The following CDH13 variants were observed in gnomAD, a reference collection of about 807,000 sequenced individuals.
The protein encoded by CDH13 is cadherin-13.
Under a neutral mutation model 63.8 loss-of-function variants are expected in CDH13, and 24 were observed. The ratio of observed to expected loss-of-function variants is 0.38; its 90% CI spans 0.27 to 0.53. The LOEUF (loss-of-function observed/expected upper bound fraction) is 0.53, where lower values mean the gene tolerates loss of function less well. Ranked by LOEUF, CDH13 falls within the 20% of genes least tolerant of loss-of-function variation. CDH13 has a pLI of 0.85. For synonymous variants in CDH13, 503 were observed against 355.3 expected (o/e 1.42, Z -4.67); for missense variants, 1,049 against 903.1 (o/e 1.16, Z -2.07).
intron 10 of CDH13, chr16:83,721,104 A>T (rs1909634800): frequency 6.6e-6 from 1 of 152,250 alleles, no homozygotes; most frequent in Non-Finnish European, 1.5e-5. Flanking sequence ...TTCAGTAATG[A>T]GCACCTGGCA....
chr16:83,004,203 C>T (rs991323646), intron 2 of CDH13, among the ~76,000 whole-genome samples: 2 of 152,058 alleles, frequency 1.3e-5, no homozygotes, highest in Non-Finnish European at 2.9e-5. Flanking sequence ...ATCTGTGTTC[C>T]CTTGCAGCGG....
chr16:83,780,064 G>C lies in CDH13; in HGVS notation c.1778G>C (p.Cys593Ser). Residue 593 changes from cysteine (C) to serine (S), a missense_variant, in exon 12 of 14, where the codon TGT becomes TCT. Transcript: ENST00000567109. The stretch of plus-strand genomic sequence containing the variant: ...ATTTACCCCACAGTAGCTGAAGTCT[G>C]TGATGATGCCAAAAACCTCAGTGTA... ...PFIYPTVAEV[C>S]DDAKNLSVVI... The C allele has an allele frequency of 1.2e-6, 2 of 1,613,956 alleles. No individual in the cohort carries two copies. The highest frequency in any genetic ancestry group is 1.1e-5 in the South Asian group (1 of 91,080).
chr16:83,112,027 G>T (rs1208550847), intron 3 of CDH13, among the ~76,000 whole-genome samples: 1 of 151,976 alleles, frequency 6.6e-6, no homozygotes, highest in Non-Finnish European at 1.5e-5. Context: ...GTAAAACTTT[G>T]GAGAAAAAAG....
chr16:83,528,636 T>G (rs1371573808), intron 7 of CDH13, among the ~76,000 whole-genome samples: 1 of 152,226 alleles, frequency 6.6e-6, no homozygotes, highest in Non-Finnish European at 1.5e-5. Context: ...TCCAACTGTT[T>G]CCATCTATCT....
chr16:82,666,122 A>G (rs1000427066), intron 1 of CDH13, among the ~76,000 whole-genome samples: 6 of 152,148 alleles, frequency 3.9e-5, no homozygotes, highest in African/African-American at 1.4e-4. Context: ...CTCTGCCTAT[A>G]ACGATCTCAC....
At chr16:83,512,868 G>A (rs547525342) in intron 7 of CDH13, among the ~76,000 whole-genome samples, 9 of 152,018 alleles carry the variant, frequency 5.9e-5, no homozygotes, top group African/African-American at 2.2e-4. Context: ...CTGGGAGGTG[G>A]CACCCAATAA....
At chr16:82,923,768 T>G (rs1203547104) in intron 2 of CDH13, among the ~76,000 whole-genome samples, 3 of 152,236 alleles carry the variant, frequency 2.0e-5, no homozygotes, top group Non-Finnish European at 4.4e-5. Flanking sequence ...CGCTTCCTCT[T>G]TATTTTTTCC....
At chr16:82,930,202 C>A (rs1458554299) in intron 2 of CDH13, among the ~76,000 whole-genome samples, 1 of 151,988 alleles carries the variant, frequency 6.6e-6, no homozygotes. Context: ...GTCTCGAACT[C>A]CTGGCCTTAA....
At chr16:83,351,407 C>T (rs1330960046) in intron 6 of CDH13, among the ~76,000 whole-genome samples, 1 of 151,456 alleles carries the variant, frequency 6.6e-6, no homozygotes, top group African/African-American at 2.4e-5. Context: ...CCACAGTTGA[C>T]ATTTTAGTGA....
chr16:82,646,523 T>G (rs1186232631), intron 1 of CDH13, among the ~76,000 whole-genome samples: 2 of 152,170 alleles, frequency 1.3e-5, no homozygotes, highest in Non-Finnish European at 2.9e-5. Context: ...TTACTGGTGC[T>G]GCATGGTCTG....
At chr16:83,528,504 T>C (rs2075012042) in intron 7 of CDH13, among the ~76,000 whole-genome samples, 1 of 152,184 alleles carries the variant, frequency 6.6e-6, no homozygotes, top group Non-Finnish European at 1.5e-5. Flanking sequence ...GAGATAATAG[T>C]AGTCCCTAGT....
intron 5 of CDH13, among the ~76,000 whole-genome samples, chr16:83,298,819 C>T (rs1161839617): frequency 2.0e-5 from 3 of 152,136 alleles, no homozygotes; most frequent in Non-Finnish European, 4.4e-5. Context: ...ATAAGAAAAG[C>T]TTGTGAGGAT....
chr16:82,905,215 A>G (rs370035156), intron 2 of CDH13, among the ~76,000 whole-genome samples: 1 of 152,132 alleles, frequency 6.6e-6, no homozygotes, highest in Non-Finnish European at 1.5e-5. Context: ...GATTATATGG[A>G]TCATCTCTCT....
intron 8 of CDH13, among the ~76,000 whole-genome samples, chr16:83,609,085 G>C (rs1379137203): frequency 6.6e-6 from 1 of 152,096 alleles, no homozygotes; most frequent in Non-Finnish European, 1.5e-5. Flanking sequence ...TGCACATTTT[G>C]AGGAATATCA....
chr16:82,894,787 G>A (rs767570647), intron 2 of CDH13, among the ~76,000 whole-genome samples: 1 of 152,250 alleles, frequency 6.6e-6, no homozygotes, highest in Non-Finnish European at 1.5e-5. Context: ...GGGCATTTGA[G>A]GGAGACAGAA....
chr16:83,300,669 G>A (rs894940884), intron 5 of CDH13, among the ~76,000 whole-genome samples: 2 of 152,188 alleles, frequency 1.3e-5, no homozygotes, highest in African/African-American at 2.4e-5. Flanking sequence ...AAGATGAGAC[G>A]TTAATCCAAT....
intron 6 of CDH13, among the ~76,000 whole-genome samples, chr16:83,405,099 C>T (rs1299458034): frequency 1.3e-5 from 2 of 151,462 alleles, no homozygotes; most frequent in East Asian, 1.9e-4. Context: ...TAGAAATCTC[C>T]TGTCATTTTC....
chr16:82,961,036 A>G (rs1346412596), intron 2 of CDH13, among the ~76,000 whole-genome samples: 1 of 152,222 alleles, frequency 6.6e-6, no homozygotes, highest in African/African-American at 2.4e-5. Flanking sequence ...TGAGGGCCAA[A>G]GCAGATGCTC....
intron 1 of CDH13, among the ~76,000 whole-genome samples, chr16:82,686,349 C>T (rs1156865866): frequency 6.6e-6 from 1 of 152,230 alleles, no homozygotes; most frequent in Non-Finnish European, 1.5e-5. Context: ...GACTAGAACA[C>T]AATCACCAGT....
Sources: allele counts gnomAD v4.1 joint callset (sites outside exome capture counted in the v4.1 genomes callset), GRCh38; gene constraint gnomAD v4.1.1; transcripts MANE v1.5; gene names NCBI Gene and HGNC (gene_info 2026-07-23, HGNC 2026-07-21).